Variants in MAP7 observed in about 807,000 individuals in gnomAD.
The protein encoded by MAP7 is ensconsin.
A neutral mutation model predicts 94.8 loss-of-function variants in MAP7; 52 were observed. The observed-to-expected ratio is 0.55, with a 90% confidence interval of 0.44 to 0.69. MAP7 has a LOEUF of 0.69. Among genes scored for constraint, MAP7 ranks in the 30% least tolerant of loss-of-function variants. The pLI, the probability that MAP7 is intolerant of heterozygous loss-of-function variation, is 0.00. For synonymous variants in MAP7, 350 were observed against 357.0 expected (o/e 0.98, Z 0.22); for missense variants, 940 against 964.6 (o/e 0.97, Z 0.34).
At chr6:136,495,713 A>G (rs914218946) in intron 1 of MAP7, among the ~76,000 whole-genome samples, 6 of 152,182 alleles carry the variant, frequency 3.9e-5, no homozygotes, top group African/African-American at 1.4e-4. Flanking sequence ...GGGTTTCTAT[A>G]GGTCCACATG....
intron 1 of MAP7, among the ~76,000 whole-genome samples, chr6:136,446,415 T>G (rs1216201153): frequency 6.6e-6 from 1 of 152,158 alleles, no homozygotes; most frequent in Admixed American, 6.5e-5. Flanking sequence ...ATCCAGGAGT[T>G]TCCACATGTT....
intron 1 of MAP7, among the ~76,000 whole-genome samples, chr6:136,454,991 A>G (rs1802432833): frequency 6.6e-6 from 1 of 152,122 alleles, no homozygotes; most frequent in Admixed American, 6.5e-5. Flanking sequence ...ACTAGGAGAC[A>G]AAAATTGCCT....
intron 3 of MAP7, among the ~76,000 whole-genome samples, chr6:136,394,266 A>G (rs1236280480): frequency 6.6e-6 from 1 of 152,092 alleles, no homozygotes; most frequent in Non-Finnish European, 1.5e-5. Flanking sequence ...TACAGGCGTG[A>G]GCCACCGCGC....
intron 5 of MAP7, among the ~76,000 whole-genome samples, chr6:136,385,261 T>C (rs1450022587): frequency 1.3e-5 from 1 of 78,854 alleles, no homozygotes; most frequent in Non-Finnish European, 3.4e-5. Flanking sequence ...GCTGAAGCAA[T>C]TTTATTATTA....
intron 1 of MAP7, among the ~76,000 whole-genome samples, chr6:136,495,074 T>C (rs1817784882): frequency 6.6e-6 from 1 of 152,172 alleles, no homozygotes; most frequent in Admixed American, 6.5e-5. Flanking sequence ...ACTTGGCCTC[T>C]GGAATTGTAC....
chr6:136,431,957 C>G (rs112038562), intron 1 of MAP7, among the ~76,000 whole-genome samples: 2,093 of 151,940 alleles, frequency 0.014, 39 homozygotes, highest in Non-Finnish European at 0.015. Context: ...AATTTATTTG[C>G]TCTACACCTC....
Position 136,550,390 on chromosome 6 carries a change from C to G in MAP7, c.19G>C (p.Gly7Arg), listed in dbSNP as rs1351045213. 29 of 1,528,976 alleles carry G rather than the reference C, an allele frequency of 1.9e-5. No homozygotes were observed. The highest frequency in any genetic ancestry group is 2.5e-5 in the Non-Finnish European group (29 of 1,146,354). 94.7% of individuals were successfully genotyped at this position (1,528,976 alleles called of 1,614,324 possible). MAELGA[G>R]GDGHRGGDGA... is the part of the protein sequence containing the mutation. ...TCGCCGCCCCTGTGGCCGTCGCCGC[C>G]AGCTCCTAGCTCCGCCATGGTGCTC... The change falls in exon 1 of 18, where the codon GGC (glycine) becomes CGC (arginine). Residue 7 changes from glycine to arginine, a missense_variant. Coordinates refer to ENST00000354570, the MANE Select transcript of MAP7 (RefSeq NM_003980.6). The surrounding 1 kb of genome is among the most constrained non-coding windows in gnomAD (Gnocchi z 5.1).
At position 136,482,405 on chromosome 6, in the gene MAP7, C is replaced by A. The variant is rs141933422; in HGVS notation, c.68-60606G>T. ...CCTGAGGTCAGGAGTTCGAGACCAGCCTGGACAACATGGTGAAACCCCGTC... is the reference window on the plus strand; with the variant it reads ...CCTGAGGTCAGGAGTTCGAGACCAGACTGGACAACATGGTGAAACCCCGTC... On this transcript the variant is annotated intron_variant, in intron 1 of 17. Transcript: ENST00000354570. Among the ~76,000 whole-genome samples the A allele has an allele frequency of 3.9e-3, 595 of 152,018 alleles. 5 individuals carry two copies. The highest frequency in any genetic ancestry group is 0.014 in the African/African-American group (572 of 41,436).
At chr6:136,441,104 C>A (rs1797730480) in intron 1 of MAP7, among the ~76,000 whole-genome samples, 1 of 152,088 alleles carries the variant, frequency 6.6e-6, no homozygotes, top group Non-Finnish European at 1.5e-5. Context: ...TTGATGAACA[C>A]CGGTTGATTC....
chr6:136,402,904 TCAAAAAAAAAAAA>T (rs1182115257), intron 3 of MAP7, among the ~76,000 whole-genome samples: 1 of 20,762 alleles, frequency 4.8e-5, no homozygotes, highest in Non-Finnish European at 7.8e-5. Context: ...AGACTCTGTC[TCAAAAAAAAAAAA>T]AAAAAAAAAA....
At chr6:136,491,497 C>T (rs1816594873) in intron 1 of MAP7, among the ~76,000 whole-genome samples, 1 of 152,168 alleles carries the variant, frequency 6.6e-6, no homozygotes, top group South Asian at 2.1e-4. Context: ...ATCATGACAA[C>T]TACTTCAGGC....
intron 1 of MAP7, chr6:136,525,868 CG>C (rs1458595514): frequency 6.5e-7 from 1 of 1,535,372 alleles, no homozygotes; most frequent in Non-Finnish European, 8.7e-7. Context: ...TTTTGCTGTT[CG>C]TCTTCCTCAT....
chr6:136,368,278 G>C (rs1794835449), intron 8 of MAP7, among the ~76,000 whole-genome samples: 1 of 151,520 alleles, frequency 6.6e-6, no homozygotes, highest in Non-Finnish European at 1.5e-5. Context: ...TACCACACAT[G>C]TAAAGGCACT....
intron 1 of MAP7, among the ~76,000 whole-genome samples, chr6:136,494,627 C>G (rs1297096578): frequency 6.6e-6 from 1 of 152,162 alleles, no homozygotes; most frequent in Non-Finnish European, 1.5e-5. Context: ...ATTATCATCT[C>G]TCATTTCATG....
At chr6:136,389,251 C>A in intron 4 of MAP7, 103 bp downstream of exon 4, 1 of 1,464,454 alleles carries the variant, frequency 6.8e-7, no homozygotes, top group East Asian at 2.5e-5. Context: ...ACTCTGAAAC[C>A]ATTTTGCTTT....
chr6:136,549,053 A>C (rs990923207), intron 1 of MAP7, among the ~76,000 whole-genome samples: 1 of 152,268 alleles, frequency 6.6e-6, no homozygotes, highest in Admixed American at 6.5e-5. Flanking sequence ...ATACTTTGTC[A>C]GTCTTAACCT....
chr6:136,371,243 G>A (rs1343431127), intron 8 of MAP7, among the ~76,000 whole-genome samples: 1 of 152,110 alleles, frequency 6.6e-6, no homozygotes, highest in Non-Finnish European at 1.5e-5. Flanking sequence ...GTTAATTTTT[G>A]TTTTTACCCA....
chr6:136,443,996 T>C (rs1798623737), intron 1 of MAP7, among the ~76,000 whole-genome samples: 1 of 152,224 alleles, frequency 6.6e-6, no homozygotes, highest in Admixed American at 6.5e-5. Flanking sequence ...ATACAGAAAG[T>C]CTGCACCTTA....
Position 136,515,166 on chromosome 6 carries a change from T to A in MAP7, c.67+35176A>T, listed in dbSNP as rs1409457741. Among the ~76,000 whole-genome samples, 4 of 152,348 alleles carry A rather than the reference T, an allele frequency of 2.6e-5. No homozygotes were observed. The East Asian group carries it at 7.7e-4, about 29-fold the overall frequency. On this transcript the variant is annotated intron_variant, in intron 1 of 17. Transcript: ENST00000354570. ...TTTCTTTCCTTAAACCTCATGACCA[T>A]CCTCTGCTAGTTTCAAACTTTTTTT...
Sources: allele counts gnomAD v4.1 joint callset (sites outside exome capture counted in the v4.1 genomes callset), GRCh38; gene constraint gnomAD v4.1.1; non-coding constraint Gnocchi (gnomAD v3.1); transcripts MANE v1.5; gene names NCBI Gene and HGNC (gene_info 2026-07-23, HGNC 2026-07-21).